The following DROSHA variants were observed in gnomAD, a reference collection of about 807,000 sequenced individuals.
DROSHA encodes the protein ribonuclease 3.
In DROSHA, 56 loss-of-function variants were observed where a neutral mutation model predicts 181.9. The observed-to-expected ratio is 0.31, with a 90% CI of 0.25 to 0.38. DROSHA has a LOEUF of 0.38. DROSHA is among the 10% of genes least tolerant of loss of function. The pLI, the probability that DROSHA is intolerant of heterozygous loss-of-function variation, is 1.00. For synonymous variants in DROSHA, 524 were observed against 591.2 expected (o/e 0.89, Z 1.65); for missense variants, 1,218 against 1,743.5 (o/e 0.70, Z 5.37).
chr5:31,462,175 A>T (rs981755052), intron 20 of DROSHA, among the ~76,000 whole-genome samples: 5 of 152,106 alleles, frequency 3.3e-5, no homozygotes, highest in African/African-American at 1.2e-4. Context: ...TTCTTTACAA[A>T]CCATAAAGCA....
intron 23 of DROSHA, among the ~76,000 whole-genome samples, chr5:31,441,120 T>TAA (rs374464639): frequency 3.5e-5 from 5 of 144,168 alleles, no homozygotes; most frequent in African/African-American, 1.3e-4. Context: ...TAATTTAGTT[T>TAA]AAAAAAAAAA....
chr5:31,422,899 C>G lies in DROSHA; in HGVS notation c.3307G>C (p.Val1103Leu), dbSNP rs1313414655. 6.2e-7 allele frequency: 1 copy of G among 1,612,166 alleles called. No individual in the cohort carries two copies. The highest frequency in any genetic ancestry group is 1.7e-5 in the Admixed American group (1 of 59,680). ...TCAAACTCAGTAAGTTTTTGTAGAA[C>G]TGGAGAAGTTTCAATAAGTTGTCGA... is the stretch of plus-strand genomic sequence containing the variant. ...TDRQLIETSP[V>L]LQKLTEFEEA... Residue 1103 changes from valine to leucine, a missense_variant, in exon 29 of 36, where the codon GTT becomes CTT. Val to Leu is a conservative substitution (Grantham distance 32, BLOSUM62 1). This residue lies in a region of DROSHA where 71 missense variants were observed against 95.2 expected (regional missense o/e 0.75). Coordinates refer to ENST00000344624, the MANE Select transcript of DROSHA (RefSeq NM_001382508.1).
chr5:31,435,485 C>T (rs190338398), intron 25 of DROSHA, among the ~76,000 whole-genome samples: 1 of 152,196 alleles, frequency 6.6e-6, no homozygotes, highest in African/African-American at 2.4e-5. Context: ...GTTCCTTTTC[C>T]CCAAATGTTT....
intron 23 of DROSHA, among the ~76,000 whole-genome samples, chr5:31,437,824 TG>T (rs1413626542): frequency 2.0e-5 from 3 of 152,164 alleles, no homozygotes; most frequent in African/African-American, 7.2e-5. Flanking sequence ...GCTCCAAAAC[TG>T]CCTGGCACTC....
intron 20 of DROSHA, among the ~76,000 whole-genome samples, chr5:31,454,886 G>C (rs531050224): frequency 6.9e-6 from 1 of 145,402 alleles, no homozygotes; most frequent in East Asian, 2.0e-4. Context: ...CTTGCAGTGA[G>C]CCGAGATCGT....
chr5:31,521,815 G>A (rs1739926571), intron 5 of DROSHA, among the ~76,000 whole-genome samples: 1 of 152,086 alleles, frequency 6.6e-6, no homozygotes, highest in African/African-American at 2.4e-5. Context: ...AAAAATAGAT[G>A]AGGAATTTTT....
chr5:31,504,705 G>A (rs1737695371), intron 10 of DROSHA, 70 bp from the exon 11 acceptor site: 20 of 1,511,366 alleles, frequency 1.3e-5, no homozygotes, highest in Middle Eastern at 1.7e-4. Context: ...TGATGCCTCC[G>A]AAAATGCGTG....
chr5:31,511,085 G>A lies in DROSHA; in HGVS notation c.1382C>T (p.Ala461Val), dbSNP rs747382480. ...TGGAGGTTCCCACGGAGGCCGAGCA[G>A]CTTTGGCCTTTTCTTGCCTGCTCCC... ...ELGSRQEKAK[A>V]ARPPWEPPKT... The change falls in exon 9 of 36, where the codon GCT becomes GTT. Residue 461 changes from alanine to valine, a missense_variant. Physicochemically the swap from Ala to Val is moderately conservative, Grantham distance 64. Coordinates refer to ENST00000344624, the MANE Select transcript of DROSHA (RefSeq NM_001382508.1). 2 of 1,613,884 alleles carry A rather than the reference G, an allele frequency of 1.2e-6. No homozygotes were observed. The highest frequency in any genetic ancestry group is 2.2e-5 in the South Asian group (2 of 91,078).
chr5:31,515,323 C>G, intron 7 of DROSHA, 104 bp from the exon 8 acceptor site: 3 of 1,288,688 alleles, frequency 2.3e-6, no homozygotes, highest in African/African-American at 3.0e-5. Context: ...AATATGAATA[C>G]CATGCCAAAT....
chr5:31,516,021 C>T (rs558617462), intron 6 of DROSHA, among the ~76,000 whole-genome samples: 2 of 152,070 alleles, frequency 1.3e-5, no homozygotes, highest in East Asian at 1.9e-4. Flanking sequence ...TTTGGAAGGC[C>T]GAGGCGGGAG....
intron 4 of DROSHA, among the ~76,000 whole-genome samples, chr5:31,528,094 T>C (rs551557170): frequency 2.6e-5 from 4 of 151,794 alleles, no homozygotes; most frequent in African/African-American, 9.6e-5. Context: ...CAGTCTCCCA[T>C]ACCAGCTTCT....
chr5:31,437,348 C>CGGGGGGGGGGGGGGGGGGGGGGGGGG (rs1744980906), intron 23 of DROSHA, 50 bp from the exon 24 acceptor site: 1 of 1,288,100 alleles, frequency 7.8e-7, no homozygotes, highest in Non-Finnish European at 1.0e-6. Flanking sequence ...TAACACTCCC[C>CGGGGGGGGGGGGGGGGGGGGGGGGGG]CCCACCCACC....
At chr5:31,523,268 C>A (rs1740105760) in intron 5 of DROSHA, among the ~76,000 whole-genome samples, 1 of 152,092 alleles carries the variant, frequency 6.6e-6, no homozygotes, top group Admixed American at 6.5e-5. Context: ...GAGCAAATGC[C>A]CCAAGCACAT....
intron 35 of DROSHA, among the ~76,000 whole-genome samples, chr5:31,404,443 T>C (rs563227878): frequency 6.6e-6 from 1 of 152,264 alleles, no homozygotes; most frequent in East Asian, 1.9e-4. Context: ...ACAGGAAACT[T>C]TGCTGATTTC....
Position 31,486,660 on chromosome 5 carries a change from G to A in DROSHA, c.1843-98C>T, listed in dbSNP as rs1751801924. On this transcript the variant is annotated intron_variant, in intron 13 of 35. Coordinates refer to ENST00000344624, the MANE Select transcript of DROSHA (RefSeq NM_001382508.1). ...TGACCCAAAAGGCCATGAACCAAAT[G>A]AGAAGGCTTCACCTTCATCTCAGCG... 3 of 975,974 alleles carry A rather than the reference G, an allele frequency of 3.1e-6. No homozygotes were observed. The African/African-American group carries it at 4.9e-5, about 16-fold the overall frequency. 60.5% of individuals were successfully genotyped at this position (975,974 alleles called of 1,614,324 possible).
chr5:31,445,741 T>C (rs1336400356), intron 23 of DROSHA, among the ~76,000 whole-genome samples: 1 of 152,194 alleles, frequency 6.6e-6, no homozygotes. Flanking sequence ...CATTTCATGA[T>C]AAAAACACTC....
chr5:31,417,789 T>C (rs2149992919), intron 30 of DROSHA, among the ~76,000 whole-genome samples: 1 of 152,252 alleles, frequency 6.6e-6, no homozygotes, highest in East Asian at 1.9e-4. Flanking sequence ...GCTGGTGTCG[T>C]CACAGTGTAG....
intron 13 of DROSHA, among the ~76,000 whole-genome samples, chr5:31,488,284 G>C (rs2150039806): frequency 6.6e-6 from 1 of 152,010 alleles, no homozygotes; most frequent in South Asian, 2.1e-4. Flanking sequence ...GGGCGTGGTG[G>C]CGTCTATAAT....
chr5:31,508,679 C>A lies in DROSHA; in HGVS notation c.1529G>T (p.Arg510Leu). ...EVFDVIAEIK[R>L]KKAHPDRLHD... is the part of the protein sequence containing the mutation. Reference sequence around the variant, plus strand: ...AAGTCGGTCAGGGTGGGCCTTTTTGCGTTTGATTTCTGCAATAACGTCAAA... The same window carrying A: ...AAGTCGGTCAGGGTGGGCCTTTTTGAGTTTGATTTCTGCAATAACGTCAAA... Residue 510 changes from arginine to leucine, a missense_variant, in exon 10 of 36, where the codon CGC becomes CTC. Physicochemically the swap from Arg to Leu is moderately radical, Grantham distance 102 (BLOSUM62 -2). Coordinates refer to ENST00000344624, the MANE Select transcript of DROSHA (RefSeq NM_001382508.1). 6.2e-7 allele frequency: 1 copy of A among 1,613,836 alleles called. No homozygotes were observed. Among genetic ancestry groups the A allele is most frequent in the South Asian group, 1.1e-5 (1 of 91,062 alleles).
Sources: gnomAD v4.1 joint callset for allele counts (sites outside exome capture counted in the v4.1 genomes callset) on GRCh38, gnomAD v4.1.1 for gene constraint, gnomAD v4.1.1 regional missense constraint, MANE v1.5 for transcripts, NCBI Gene and HGNC (gene_info 2026-07-23, HGNC 2026-07-21) for gene names.